The following KIF5B variants were observed in gnomAD, a reference collection of about 807,000 sequenced individuals.
KIF5B encodes the protein kinesin family member 5B.
In KIF5B, 49 loss-of-function variants were observed where a neutral mutation model predicts 132.8. The ratio of observed to expected loss-of-function variants is 0.37; its 90% CI spans 0.29 to 0.47. KIF5B has a LOEUF of 0.47. Ranked by LOEUF, KIF5B falls within the 20% of genes least tolerant of loss-of-function variation. The probability of loss-of-function intolerance (pLI) is 1.00; values close to 1 mark genes in which losing one functional copy is unlikely to be tolerated. For missense variants in KIF5B, 780 were observed against 1,144.0 expected, an observed-to-expected ratio of 0.68 and a Z score of 4.59; for synonymous variants, 355 against 369.4, an observed-to-expected ratio of 0.96 and a Z score of 0.45.
chr10:32,044,944 T>C (rs1011130511), intron 2 of KIF5B, among the ~76,000 whole-genome samples: 2 of 152,104 alleles, frequency 1.3e-5, no homozygotes, highest in Admixed American at 1.3e-4. Flanking sequence ...TAAAGCAGGA[T>C]GAAGAAGGGA....
intron 19 of KIF5B, 60 bp from the exon 20 acceptor site, chr10:32,020,019 A>C: frequency 8.7e-7 from 1 of 1,146,488 alleles, no homozygotes. Flanking sequence ...CAATGTCATC[A>C]TTAAAATTTC....
intron 2 of KIF5B, among the ~76,000 whole-genome samples, chr10:32,041,997 G>C (rs1249607444): frequency 2.0e-5 from 3 of 152,110 alleles, no homozygotes; most frequent in Non-Finnish European, 2.9e-5. Flanking sequence ...AGGTCAAAGG[G>C]GGGAAAAAGG....
rs558728519 is a variant in KIF5B, at chr10:32,053,505, AC to A, written c.126+2342del. On this transcript the variant is annotated intron_variant, in intron 1 of 25. Coordinates refer to ENST00000302418, the MANE Select transcript of KIF5B (RefSeq NM_004521.3). Reference sequence around the variant, plus strand: ...TTTGGGAGGCCAAGACAGGTGGATCACCTTAGGTCAGGAGTTCGAGACCGCC... The same window carrying A: ...TTTGGGAGGCCAAGACAGGTGGATCACTTAGGTCAGGAGTTCGAGACCGCC... 1.4e-4 allele frequency among the ~76,000 whole-genome samples: 21 copies of A among 151,824 alleles called. No individual in the cohort carries two copies. In the South Asian group the frequency reaches 4.4e-3, roughly 32 times the overall value.
In KIF5B at chr10:32,017,224, G is replaced by A. The variant is rs141491660; in HGVS notation, c.2680C>T (p.Arg894Cys). The change falls in exon 24 of 26, where the codon CGC becomes TGC. Residue 894 changes from arginine to cysteine, a missense_variant. By Grantham distance (180) the Arg-to-Cys change is radical. Transcript: ENST00000302418. ...ATGCGATCTACTTCTTGCTGATAGC[G>A]TTTGCGATCACGAGATGCATTTTCT... ...AKENASRDRK[R>C]YQQEVDRIKE... is the part of the protein sequence containing the mutation. The A allele has an allele frequency of 2.7e-5, 44 of 1,614,030 alleles. No individual in the cohort carries two copies. The highest frequency in any genetic ancestry group is 1.3e-4 in the African/African-American group (10 of 74,926).
Position 32,039,394 on chromosome 10 carries a change from G to A in KIF5B, c.326C>T (p.Pro109Leu). The A allele has an allele frequency of 6.5e-7, 1 of 1,527,564 alleles. No individual in the cohort carries two copies. The highest frequency in any genetic ancestry group is 8.9e-7 in the Non-Finnish European group (1 of 1,123,532). The allele number at this position is 1,527,564 out of a possible 1,614,324, so 94.6% of individuals were successfully genotyped here. A position where few individuals can be genotyped will look rare whatever the true frequency, so the allele number is the denominator to read the frequency against. ...LHDPEGMGII[P>L]RIVQDIFNYI... is the part of the protein sequence containing the mutation. ...ATTAAAAATATCTTGCACTATTCTT[G>A]GAATAATTCCCATGCCTTCTGGATC... The change falls in exon 4 of 26, where the codon CCA (proline) becomes CTA (leucine). Residue 109 changes from proline to leucine, a missense_variant. Pro to Leu is a moderately conservative substitution (Grantham distance 98). This residue lies in a region of KIF5B where 76 missense variants were observed against 146.4 expected (regional missense o/e 0.52). Transcript: ENST00000302418.
At position 32,028,588 on chromosome 10, in the gene KIF5B, C is replaced by A. The variant is rs1187263494; in HGVS notation, c.1582-17G>T. ...TAAAGTTGCCTAAGAGAACCCAAAA[C>A]AAAAAGTATAGTTAAATCTACTACA... On this transcript the variant is annotated splice_polypyrimidine_tract_variant and intron_variant, in intron 14 of 25. Transcript: ENST00000302418. The A allele has an allele frequency of 5.0e-6, 8 of 1,596,748 alleles. No individual in the cohort carries two copies. The highest frequency in any genetic ancestry group is 3.6e-5 in the Admixed American group (2 of 56,326).
intron 14 of KIF5B, among the ~76,000 whole-genome samples, chr10:32,029,493 T>C (rs943128432): frequency 1.3e-5 from 2 of 152,234 alleles, no homozygotes; most frequent in Non-Finnish European, 1.5e-5. Flanking sequence ...TGGTAGTTCG[T>C]CATTTCCTTA....
intron 7 of KIF5B, 48 bp from the exon 8 acceptor site, chr10:32,037,426 TA>T: frequency 6.2e-7 from 1 of 1,604,478 alleles, no homozygotes; most frequent in Non-Finnish European, 8.5e-7. Context: ...GATTTCCCCT[TA>T]ACAATTTCCC....
In KIF5B at chr10:32,024,146, C is replaced by CTTTTTTT. The variant is rs769483155; in HGVS notation, c.1726-1117_1726-1111dup. On this transcript the variant is annotated intron_variant, in intron 15 of 25. Coordinates refer to ENST00000302418, the MANE Select transcript of KIF5B (RefSeq NM_004521.3). ...TTATATCCAAAACATATGAAGAACT[C>CTTTTTTT]TTTTTTTTTTTTTTTTTTTTTTTTT... Among the ~76,000 whole-genome samples the CTTTTTTT allele has an allele frequency of 7.2e-5, 5 of 69,744 alleles. 1 individual carries two copies. The highest frequency in any genetic ancestry group is 3.1e-4 in the African/African-American group (5 of 16,244). 45.8% of individuals were successfully genotyped at this position (69,744 alleles called of 152,430 possible).
At chr10:32,041,081 G>A (rs982163533) in intron 2 of KIF5B, among the ~76,000 whole-genome samples, 4 of 150,436 alleles carry the variant, frequency 2.7e-5, no homozygotes, top group Non-Finnish European at 5.9e-5. Flanking sequence ...AGGAGAAGGA[G>A]GTTGCAGTGA....
rs2132569923 is a variant in KIF5B, at chr10:32,010,851, T to G, written c.*686A>C. The G allele has an allele frequency of 6.6e-6, 1 of 152,288 alleles. No homozygotes were observed. The highest frequency in any genetic ancestry group is 3.4e-3 in the Middle Eastern group (1 of 294). The allele number at this position is 152,288 out of a possible 1,614,324, so 9.4% of individuals were successfully genotyped here. ...AAATAACTCGGCAACAGGCATTTCA[T>G]GAGATAACAAGTAGCCTTGCTCAGT... On this transcript the variant is annotated 3_prime_UTR_variant, in exon 26 of 26. Transcript: ENST00000302418.
At position 32,017,340 on chromosome 10, in the gene KIF5B, T is replaced by C; in HGVS notation, c.2564A>G (p.Asp855Gly). ...VHKQLVRDNA[D>G]LRCELPKLEK... The stretch of plus-strand genomic sequence containing the variant: ...CAACTTAGGAAGTTCACAGCGGAGA[T>C]CTGCATTATCACGTACCAACTAAAC... Residue 855 changes from aspartate (D) to glycine (G), a missense_variant, in exon 24 of 26, where the codon GAT becomes GGT. Coordinates refer to ENST00000302418, the MANE Select transcript of KIF5B (RefSeq NM_004521.3). 1 of 1,613,956 alleles carries C rather than the reference T, an allele frequency of 6.2e-7. No individual in the cohort carries two copies. Among genetic ancestry groups the C allele is most frequent in the Non-Finnish European group, 8.5e-7 (1 of 1,179,884 alleles).
rs72393080 is a variant in KIF5B, at chr10:32,040,626, A to AACACACACAC, written c.215-179_215-170dup. On this transcript the variant is annotated intron_variant, in intron 2 of 25. Transcript: ENST00000302418. The stretch of plus-strand genomic sequence containing the variant: ...CCTAGTGAGGTATAAAACACCCTAA[A>AACACACACAC]ACACACACACACACACACACACACA... Among the ~76,000 whole-genome samples the AACACACACAC allele has an allele frequency of 3.7e-3, 521 of 142,166 alleles. 4 individuals carry two copies. Among genetic ancestry groups the AACACACACAC allele is most frequent in the African/African-American group, 0.012 (466 of 38,528 alleles). The allele number at this position is 142,166 out of a possible 152,430, so 93.3% of individuals were successfully genotyped here.
intron 2 of KIF5B, among the ~76,000 whole-genome samples, chr10:32,043,818 CGGGGACCCAGAGAGTA>C (rs997682905): frequency 7.2e-5 from 11 of 152,120 alleles, no homozygotes; most frequent in African/African-American, 2.7e-4. Flanking sequence ...GTGAACTTGT[CGGGGACCCAGAGAGTA>C]CTATCTGCTT....
At chr10:32,046,277 A>G (rs1841607851) in intron 2 of KIF5B, among the ~76,000 whole-genome samples, 1 of 152,180 alleles carries the variant, frequency 6.6e-6, no homozygotes, top group Admixed American at 6.5e-5. Context: ...TACTGATGAG[A>G]CAGAAGTATG....
intron 15 of KIF5B, 116 bp downstream of exon 15, chr10:32,028,312 G>A (rs1369845882): frequency 1.9e-5 from 15 of 806,774 alleles, no homozygotes; most frequent in Non-Finnish European, 2.3e-5. Context: ...TCTACTACAC[G>A]ACTGTTTGTG....
Position 32,040,896 on chromosome 10 carries a change from G to A in KIF5B, c.215-439C>T, listed in dbSNP as rs538955059. ...CCAGCTACTCAGGAGGCTGAGGCAG[G>A]AGAATTGCCTGAACCGGGCAGGTGG... On this transcript the variant is annotated intron_variant, in intron 2 of 25. Transcript: ENST00000302418. 4.0e-5 allele frequency among the ~76,000 whole-genome samples: 6 copies of A among 151,708 alleles called. No individual in the cohort carries two copies. In the South Asian group the frequency reaches 8.3e-4, roughly 21 times the overall value.
At chr10:32,045,058 T>C (rs1340746169) in intron 2 of KIF5B, among the ~76,000 whole-genome samples, 1 of 152,190 alleles carries the variant, frequency 6.6e-6, no homozygotes, top group East Asian at 1.9e-4. Flanking sequence ...GCATGTATCC[T>C]AAACGTCAGG....
chr10:32,012,216 T>C (rs1376009840), intron 25 of KIF5B, among the ~76,000 whole-genome samples: 1 of 152,194 alleles, frequency 6.6e-6, no homozygotes, highest in African/African-American at 2.4e-5. Flanking sequence ...CTCACACCTG[T>C]AATCTGAGCA....
Sources: allele counts gnomAD v4.1 joint callset (sites outside exome capture counted in the v4.1 genomes callset), GRCh38; gene constraint gnomAD v4.1.1; regional missense constraint gnomAD v4.1.1; transcripts MANE v1.5; gene names NCBI Gene and HGNC (gene_info 2026-07-23, HGNC 2026-07-21).